Variants in RAPGEF2 observed in about 807,000 individuals in gnomAD.
RAPGEF2 encodes the protein Rap guanine nucleotide exchange factor 2.
Under a neutral mutation model 186.7 loss-of-function variants are expected in RAPGEF2, and 54 were observed. That is an observed-to-expected ratio of 0.29 (90% CI 0.23 to 0.36). The LOEUF (loss-of-function observed/expected upper bound fraction) is 0.36, where lower values mean the gene tolerates loss of function less well. Among genes scored for constraint, RAPGEF2 ranks in the 10% least tolerant of loss-of-function variants. RAPGEF2 has a pLI of 1.00. For synonymous variants in RAPGEF2, 712 were observed against 705.9 expected, an observed-to-expected ratio of 1.01 and a Z score of -0.14; for missense variants, 1,532 against 2,045.0, an observed-to-expected ratio of 0.75 and a Z score of 4.84.
chr4:159,344,556 T>A (rs1348223400), intron 23 of RAPGEF2, among the ~76,000 whole-genome samples: 1 of 152,208 alleles, frequency 6.6e-6, no homozygotes. Flanking sequence ...TAAAAATAAT[T>A]CTTAACAATT....
At chr4:159,351,234 A>C in intron 26 of RAPGEF2, 1 of 1,474,900 alleles carries the variant, frequency 6.8e-7, no homozygotes, top group Non-Finnish European at 9.0e-7. Context: ...TCATCTCATT[A>C]GTTAATGAAA....
rs139588256 is a variant in RAPGEF2, at chr4:159,268,435, C to T, written c.543+24644C>T. On this transcript the variant is annotated intron_variant, in intron 7 of 29. Coordinates refer to ENST00000691494, the MANE Select transcript of RAPGEF2 (RefSeq NM_001394067.2). ...ACCAGCAATTTATTTAAAGCAAAAT[C>T]ACTAATACTGAGAAATATTGGGCAG... Among the ~76,000 whole-genome samples, 1,252 of 152,192 alleles carry T rather than the reference C, an allele frequency of 8.2e-3. 15 individuals are homozygous for T. Among genetic ancestry groups the T allele is most frequent in the African/African-American group, 0.028 (1,169 of 41,516 alleles).
intron 3 of RAPGEF2, among the ~76,000 whole-genome samples, chr4:159,193,610 A>G (rs75514478): frequency 0.014 from 2,090 of 152,364 alleles, 49 homozygotes; most frequent in African/African-American, 0.048. Flanking sequence ...TGAAGATAGC[A>G]TAAAGGCCAT....
At chr4:159,295,754 T>TGTGTGC (rs1386754001) in intron 7 of RAPGEF2, among the ~76,000 whole-genome samples, 75 of 113,978 alleles carry the variant, frequency 6.6e-4, no homozygotes, top group Non-Finnish European at 9.0e-4. Flanking sequence ...TGTGTGTGTG[T>TGTGTGC]GCGCGCGCGC....
chr4:159,272,012 G>A (rs893266135), intron 7 of RAPGEF2, among the ~76,000 whole-genome samples: 1 of 151,974 alleles, frequency 6.6e-6, no homozygotes, highest in Non-Finnish European at 1.5e-5. Flanking sequence ...TTAAACATAC[G>A]CTCCATGTCT....
chr4:159,315,907 C>T (rs1482195296), intron 9 of RAPGEF2, among the ~76,000 whole-genome samples: 8 of 152,150 alleles, frequency 5.3e-5, no homozygotes, highest in Non-Finnish European at 8.8e-5. Context: ...GTTAGGCCTC[C>T]GGATAACTGC....
At chr4:159,219,766 C>A (rs368053376) in intron 4 of RAPGEF2, among the ~76,000 whole-genome samples, 3 of 152,328 alleles carry the variant, frequency 2.0e-5, no homozygotes, top group African/African-American at 7.2e-5. Flanking sequence ...TTAGTCATGT[C>A]TTTTCAAGAG....
Position 159,331,864 on chromosome 4 carries a change from A to T in RAPGEF2, c.1779+31A>T, listed in dbSNP as rs116260015. 5.0e-3 allele frequency: 7,989 copies of T among 1,599,954 alleles called. 351 individuals carry two copies. In the African/African-American group the frequency reaches 0.097, roughly 19 times the overall value. Reference sequence around the variant, plus strand: ...CCATTTCTAAACTCATTTAAGGGTGAATTTTGGTGTCTGGTTTTTTTTTTC... The same window carrying T: ...CCATTTCTAAACTCATTTAAGGGTGTATTTTGGTGTCTGGTTTTTTTTTTC... On this transcript the variant is annotated intron_variant, in intron 15 of 29. Coordinates refer to ENST00000691494, the MANE Select transcript of RAPGEF2 (RefSeq NM_001394067.2).
In RAPGEF2 at chr4:159,122,610, G is replaced by T. The variant is rs140632106; in HGVS notation, c.69+18379G>T. On this transcript the variant is annotated intron_variant, in intron 1 of 29. Transcript: ENST00000691494. ...TAAATCATAACTGCATAAGATTATT[G>T]TGCATACGGTACTACTGTAATAATT... is the stretch of plus-strand genomic sequence containing the variant. 5.3e-5 allele frequency among the ~76,000 whole-genome samples: 8 copies of T among 152,230 alleles called. No homozygotes were observed. The East Asian group carries it at 1.5e-3, about 29-fold the overall frequency.
intron 8 of RAPGEF2, among the ~76,000 whole-genome samples, chr4:159,304,883 T>G (rs539155304): frequency 6.6e-6 from 1 of 152,134 alleles, no homozygotes; most frequent in East Asian, 1.9e-4. Flanking sequence ...CATTCCACAC[T>G]CTGCATCCAT....
At chr4:159,256,391 T>C (rs1434411648) in intron 7 of RAPGEF2, among the ~76,000 whole-genome samples, 1 of 152,248 alleles carries the variant, frequency 6.6e-6, no homozygotes, top group Non-Finnish European at 1.5e-5. Context: ...TTCCTTTTTA[T>C]GGCTGCAGAG....
At chr4:159,125,747 GA>G (rs1363153565) in intron 1 of RAPGEF2, among the ~76,000 whole-genome samples, 8 of 142,528 alleles carry the variant, frequency 5.6e-5, no homozygotes, top group Non-Finnish European at 1.2e-4. Context: ...GACAGAGTGA[GA>G]ATCTGTCTCG....
At chr4:159,131,519 A>ATTTT (rs35670450) in intron 1 of RAPGEF2, among the ~76,000 whole-genome samples, 38 of 37,134 alleles carry the variant, frequency 1.0e-3, no homozygotes, top group Non-Finnish European at 1.4e-3. Context: ...ATTAATTGCT[A>ATTTT]TTTTTTTTTT....
At chr4:159,312,921 G>A (rs1388088960) in intron 8 of RAPGEF2, among the ~76,000 whole-genome samples, 3 of 152,156 alleles carry the variant, frequency 2.0e-5, no homozygotes, top group Non-Finnish European at 4.4e-5. Flanking sequence ...GCTGAGGTGG[G>A]CAGATCACTT....
chr4:159,130,746 T>C (rs560069382), intron 1 of RAPGEF2, among the ~76,000 whole-genome samples: 2 of 152,226 alleles, frequency 1.3e-5, no homozygotes, highest in Non-Finnish European at 2.9e-5. Context: ...GATGTTGCTC[T>C]GTTGCCTAGG....
intron 7 of RAPGEF2, among the ~76,000 whole-genome samples, chr4:159,250,665 C>CTTT (rs34304252): frequency 0.027 from 3,313 of 122,768 alleles, 122 homozygotes; most frequent in African/African-American, 0.098. Context: ...TAGCACTCTT[C>CTTT]TTTTTTTTTT....
At chr4:159,251,928 C>T (rs1337673052) in intron 7 of RAPGEF2, among the ~76,000 whole-genome samples, 1 of 152,004 alleles carries the variant, frequency 6.6e-6, no homozygotes, top group Non-Finnish European at 1.5e-5. Context: ...TCTGCCACGT[C>T]TTTAAGAGCG....
In RAPGEF2 at chr4:159,174,240, A is replaced by G. The variant is rs576547676; in HGVS notation, c.70-12402A>G. On this transcript the variant is annotated intron_variant, in intron 1 of 29. Coordinates refer to ENST00000691494, the MANE Select transcript of RAPGEF2 (RefSeq NM_001394067.2). ...TAGTATGCATTTTAGGTTGCTAAACATAACACCCAGTTGGTAATCATAAAA... is the reference window on the plus strand; with the variant it reads ...TAGTATGCATTTTAGGTTGCTAAACGTAACACCCAGTTGGTAATCATAAAA... Among the ~76,000 whole-genome samples, 7 of 152,370 alleles carry G rather than the reference A, an allele frequency of 4.6e-5. No homozygotes were observed. In the Middle Eastern group the frequency reaches 0.01, roughly 222 times the overall value.
intron 1 of RAPGEF2, among the ~76,000 whole-genome samples, chr4:159,176,860 G>A (rs1746497079): frequency 6.6e-6 from 1 of 152,112 alleles, no homozygotes; most frequent in African/African-American, 2.4e-5. Flanking sequence ...TTTTTTTAAC[G>A]ACTTCATTTT....
Sources: allele counts gnomAD v4.1 joint callset (sites outside exome capture counted in the v4.1 genomes callset), GRCh38; gene constraint gnomAD v4.1.1; transcripts MANE v1.5; gene names NCBI Gene and HGNC (gene_info 2026-07-23, HGNC 2026-07-21).